The following BABAM2 variants were observed in gnomAD, a reference collection of about 807,000 sequenced individuals.
The protein encoded by BABAM2 is BRISC and BRCA1 A complex member 2.
Under a neutral mutation model 54.7 loss-of-function variants are expected in BABAM2, and 31 were observed. The observed-to-expected ratio is 0.57, with a 90% CI of 0.43 to 0.77. The LOEUF (loss-of-function observed/expected upper bound fraction) is 0.77. Ranked by LOEUF, BABAM2 falls within the 30% of genes least tolerant of loss-of-function variation. The probability of loss-of-function intolerance (pLI) is 0.00; values close to 1 mark genes in which losing one functional copy is unlikely to be tolerated. For synonymous variants in BABAM2, 167 were observed against 162.9 expected (o/e 1.03, Z -0.19); for missense variants, 364 against 455.8 (o/e 0.80, Z 1.83).
intron 4 of BABAM2, among the ~76,000 whole-genome samples, chr2:28,010,257 C>A (rs922613902): frequency 2.0e-5 from 3 of 152,034 alleles, no homozygotes; most frequent in Non-Finnish European, 4.4e-5. Context: ...CTTTCAGATC[C>A]ATTTTAACTT....
intron 4 of BABAM2, among the ~76,000 whole-genome samples, chr2:28,012,772 G>A (rs1439099916): frequency 1.3e-5 from 2 of 152,140 alleles, no homozygotes. Context: ...CTTTTCCTTT[G>A]GAGGGTATTC....
intron 6 of BABAM2, among the ~76,000 whole-genome samples, chr2:28,123,210 C>G (rs1258730964): frequency 1.3e-5 from 2 of 152,088 alleles, no homozygotes; most frequent in African/African-American, 2.4e-5. Flanking sequence ...TCCCAGCCTG[C>G]CAGGAACTCA....
intron 4 of BABAM2, among the ~76,000 whole-genome samples, chr2:28,001,618 C>T (rs1297067588): frequency 1.3e-5 from 2 of 152,160 alleles, no homozygotes; most frequent in Non-Finnish European, 2.9e-5. Context: ...TCTATTTGGG[C>T]TCACAGTTCT....
intron 10 of BABAM2, among the ~76,000 whole-genome samples, chr2:28,245,909 TA>T (rs1682873156): frequency 1.3e-5 from 2 of 152,218 alleles, no homozygotes; most frequent in South Asian, 4.1e-4. Flanking sequence ...AAATAGTTCT[TA>T]AGTTCATTTT....
intron 7 of BABAM2, among the ~76,000 whole-genome samples, chr2:28,226,621 G>A (rs1178741561): frequency 1.3e-5 from 2 of 152,184 alleles, no homozygotes; most frequent in African/African-American, 4.8e-5. Flanking sequence ...TACCAGAGAT[G>A]GAAGGGGCTT....
chr2:28,009,050 ATGTGAAGG>A, intron 4 of BABAM2, among the ~76,000 whole-genome samples: 2 of 152,288 alleles, frequency 1.3e-5, no homozygotes, highest in South Asian at 4.1e-4. Flanking sequence ...AATGGATTGT[ATGTGAAGG>A]TCTAGCGAGT....
chr2:28,260,941 CTT>C (rs34766123), intron 10 of BABAM2, among the ~76,000 whole-genome samples: 92 of 110,758 alleles, frequency 8.3e-4, no homozygotes, highest in South Asian at 4.3e-3. Context: ...CATTTTCTTT[CTT>C]TTTTTTTTTT....
At chr2:28,090,535 C>G (rs975750150) in intron 6 of BABAM2, among the ~76,000 whole-genome samples, 1 of 152,184 alleles carries the variant, frequency 6.6e-6, no homozygotes, top group African/African-American at 2.4e-5. Context: ...AGCCACTGCA[C>G]CCAGCAGTTT....
At chr2:27,974,947 C>T (rs1357148449) in intron 3 of BABAM2, among the ~76,000 whole-genome samples, 1 of 151,820 alleles carries the variant, frequency 6.6e-6, no homozygotes, top group Non-Finnish European at 1.5e-5. Flanking sequence ...TAGCAATGAA[C>T]AATCAGAAAC....
chr2:27,937,234 G>A (rs756126024), intron 3 of BABAM2, among the ~76,000 whole-genome samples: 5 of 152,162 alleles, frequency 3.3e-5, no homozygotes, highest in Non-Finnish European at 7.4e-5. Context: ...CTGTGATATG[G>A]TATTGTTCAG....
At chr2:27,890,340 C>T (rs1204310794), upstream of BABAM2, 2 of 1,613,302 alleles carry the variant, frequency 1.2e-6, no homozygotes, top group Admixed American at 1.7e-5. The surrounding 1 kb of genome is among the most constrained non-coding windows in gnomAD (Gnocchi z 4.8). Context: ...CCCCAGACGC[C>T]GCCATCGCTC....
At chr2:27,974,215 A>C (rs563524803) in intron 3 of BABAM2, among the ~76,000 whole-genome samples, 11 of 152,324 alleles carry the variant, frequency 7.2e-5, no homozygotes, top group African/African-American at 2.6e-4. Flanking sequence ...TTTTTCTGAT[A>C]TCAAAATCAG....
At chr2:27,966,275 G>A (rs1318834117) in intron 3 of BABAM2, among the ~76,000 whole-genome samples, 1 of 152,142 alleles carries the variant, frequency 6.6e-6, no homozygotes, top group East Asian at 1.9e-4. Flanking sequence ...CAACTATTTG[G>A]TAATCCTGAG....
In BABAM2 at chr2:27,929,840, C is replaced by T; in HGVS notation, c.137C>T (p.Ser46Leu). Residue 46 changes from serine to leucine, a missense_variant, in exon 3 of 12, where the codon TCA becomes TTA. Transcript: ENST00000379624. ...RITDLKSGCTSLTPGPNCDRF... is the reference protein window; with the variant it reads ...RITDLKSGCTLLTPGPNCDRF... ...TTCTGCATTTTTTAAAGCTGCACAT[C>T]ATTGACTCCTGGGCCCAACTGTGAC... 6.2e-7 allele frequency: 1 copy of T among 1,613,580 alleles called. No individual in the cohort carries two copies. Among genetic ancestry groups the T allele is most frequent in the Admixed American group, 1.7e-5 (1 of 59,998 alleles).
intron 10 of BABAM2, among the ~76,000 whole-genome samples, chr2:28,297,266 G>A (rs927583778): frequency 2.3e-4 from 35 of 152,174 alleles, no homozygotes; most frequent in African/African-American, 7.7e-4. Flanking sequence ...TTGCTCACCT[G>A]TTAAATGCAA....
chr2:28,088,391 C>A (rs549986174), intron 6 of BABAM2, among the ~76,000 whole-genome samples: 18 of 152,192 alleles, frequency 1.2e-4, no homozygotes, highest in African/African-American at 4.3e-4. Context: ...TGCCATAGTT[C>A]TTTACAACTC....
intron 10 of BABAM2, among the ~76,000 whole-genome samples, chr2:28,285,545 G>A (rs965346231): frequency 2.6e-5 from 4 of 152,180 alleles, no homozygotes; most frequent in African/African-American, 9.7e-5. Context: ...ATGGTGACCA[G>A]TGCTTCTAAC....
At chr2:28,139,275 C>T (rs116334487) in intron 7 of BABAM2, among the ~76,000 whole-genome samples, 1,677 of 138,106 alleles carry the variant, frequency 0.012, 31 homozygotes, top group African/African-American at 0.045. Flanking sequence ...AAGCCAAGAA[C>T]GCACCATTGC....
rs182366070 is a variant in BABAM2, at chr2:27,897,550, T to C, written c.128+2866T>C. Among the ~76,000 whole-genome samples, 1,024 of 152,188 alleles carry C rather than the reference T, an allele frequency of 6.7e-3. 11 individuals carry two copies. Among genetic ancestry groups the C allele is most frequent in the African/African-American group, 0.023 (971 of 41,506 alleles). On this transcript the variant is annotated intron_variant, in intron 2 of 11. Coordinates refer to ENST00000379624, the MANE Select transcript of BABAM2 (RefSeq NM_199191.3). ...AAGACAGTTTTAACTTTTTTTTTTT[T>C]CTTCTAAAAGTTAACTATACACATT...
Sources: gnomAD v4.1 joint callset for allele counts (sites outside exome capture counted in the v4.1 genomes callset) on GRCh38, gnomAD v4.1.1 for gene constraint, Gnocchi (gnomAD v3.1) non-coding constraint, MANE v1.5 for transcripts, NCBI Gene and HGNC (gene_info 2026-07-23, HGNC 2026-07-21) for gene names.